The following DNAH6 variants were observed in gnomAD, a reference collection of about 807,000 sequenced individuals.
The protein encoded by DNAH6 is axonemal beta dynein heavy chain 6.
In DNAH6, 340 loss-of-function variants were observed where a neutral mutation model predicts 491.4. The observed-to-expected ratio is 0.69, with a 90% CI of 0.63 to 0.76. DNAH6 has a LOEUF of 0.76. Ranked by LOEUF, DNAH6 falls within the 30% of genes least tolerant of loss-of-function variation. The pLI, the probability that DNAH6 is intolerant of heterozygous loss-of-function variation, is 0.00. For synonymous variants in DNAH6, 1,603 were observed against 1,686.1 expected (o/e 0.95, Z 1.21); for missense variants, 4,443 against 4,972.2 (o/e 0.89, Z 3.20).
At chr2:84,674,804 C>T (rs1693073996) in intron 40 of DNAH6, among the ~76,000 whole-genome samples, 1 of 152,132 alleles carries the variant, frequency 6.6e-6, no homozygotes, top group African/African-American at 2.4e-5. Flanking sequence ...TCCCACCAGG[C>T]CAGCGCTCAG....
intron 14 of DNAH6, among the ~76,000 whole-genome samples, chr2:84,582,386 G>A (rs527743246): frequency 2.6e-3 from 401 of 152,302 alleles, no homozygotes; most frequent in Admixed American, 5.4e-3. Flanking sequence ...TGACTACAGT[G>A]TTTTTATGAC....
At chr2:84,465,537 C>G in the DNAH6 span, among the ~76,000 whole-genome samples, 1 of 152,038 alleles carries the variant, frequency 6.6e-6, no homozygotes, top group South Asian at 2.1e-4. Flanking sequence ...GTAAGCTTGT[C>G]CTGTATTCCC....
At chr2:84,674,029 A>G (rs1190118546) in intron 40 of DNAH6, among the ~76,000 whole-genome samples, 2 of 152,210 alleles carry the variant, frequency 1.3e-5, no homozygotes, top group Non-Finnish European at 2.9e-5. Context: ...TCTGTTCTGG[A>G]GAAAATTTCT....
At chr2:84,811,231 G>A (rs779966943) in intron 72 of DNAH6, among the ~76,000 whole-genome samples, 1 of 152,212 alleles carries the variant, frequency 6.6e-6, no homozygotes, top group Non-Finnish European at 1.5e-5. Context: ...AATGCCTGTC[G>A]CTAAGATGCT....
chr2:84,730,886 T>C (rs1009841754), intron 61 of DNAH6, among the ~76,000 whole-genome samples: 1 of 152,198 alleles, frequency 6.6e-6, no homozygotes, highest in African/African-American at 2.4e-5. Context: ...TAAATGCCTA[T>C]GAACGTTAAC....
intron 33 of DNAH6, 41 bp downstream of exon 33, chr2:84,642,095 G>T (rs1037225238): frequency 3.7e-5 from 48 of 1,305,100 alleles, no homozygotes; most frequent in Non-Finnish European, 4.8e-5. Flanking sequence ...TGGCTATCAC[G>T]TAGAGGCAAA....
At chr2:84,482,948 T>C in the DNAH6 span, among the ~76,000 whole-genome samples, 2 of 151,822 alleles carry the variant, frequency 1.3e-5, no homozygotes, top group Non-Finnish European at 2.9e-5. Context: ...ATATTTTATG[T>C]TACGGTTTTT....
At chr2:84,668,970 C>T (rs1477574550) in intron 37 of DNAH6, among the ~76,000 whole-genome samples, 1 of 152,120 alleles carries the variant, frequency 6.6e-6, no homozygotes, top group African/African-American at 2.4e-5. Flanking sequence ...GGGTCTCATT[C>T]AGCACTTGTC....
intron 62 of DNAH6, among the ~76,000 whole-genome samples, chr2:84,738,038 A>G (rs1014081799): frequency 6.6e-6 from 1 of 152,096 alleles, no homozygotes; most frequent in Non-Finnish European, 1.5e-5. Flanking sequence ...AGGTTTTGAT[A>G]CATTCCATGT....
intron 30 of DNAH6, 127 bp from the exon 31 acceptor site, chr2:84,637,083 C>A: frequency 1.4e-6 from 1 of 735,154 alleles, no homozygotes; most frequent in Non-Finnish European, 2.1e-6. Context: ...CCCTGTTGTC[C>A]AACAATGGTA....
Position 84,673,536 on chromosome 2 carries a change from T to C in DNAH6, c.6612+1052T>C, listed in dbSNP as rs545797954. Among the ~76,000 whole-genome samples the C allele has an allele frequency of 1.1e-4, 16 of 152,250 alleles. No homozygotes were observed. In the South Asian group the frequency reaches 3.3e-3, roughly 32 times the overall value. ...CTCTAGAGGGACAGAACTAATGGGATAGACATATATACATAAAAGGGAGTT... is the reference window on the plus strand; with the variant it reads ...CTCTAGAGGGACAGAACTAATGGGACAGACATATATACATAAAAGGGAGTT... On this transcript the variant is annotated intron_variant, in intron 40 of 76. Transcript: ENST00000389394.
Position 84,707,037 on chromosome 2 carries a change from T to G in DNAH6, c.8851+18T>G, listed in dbSNP as rs1349075190. Reference sequence around the variant, plus strand: ...AAGCCTGGGTAAGTAACTCATAAAATTTACATTGGCCAGGAAATGCCTGAT... The same window carrying G: ...AAGCCTGGGTAAGTAACTCATAAAAGTTACATTGGCCAGGAAATGCCTGAT... On this transcript the variant is annotated intron_variant, in intron 53 of 76. Coordinates refer to ENST00000389394, the MANE Select transcript of DNAH6 (RefSeq NM_001370.2). 6.7e-7 allele frequency: 1 copy of G among 1,501,016 alleles called. No homozygotes were observed. The highest frequency in any genetic ancestry group is 1.4e-5 in the African/African-American group (1 of 69,856). The allele number at this position is 1,501,016 out of a possible 1,614,324, so 93.0% of individuals were successfully genotyped here.
At chr2:84,767,512 T>A (rs1675196818) in intron 64 of DNAH6, among the ~76,000 whole-genome samples, 1 of 151,504 alleles carries the variant, frequency 6.6e-6, no homozygotes, top group Non-Finnish European at 1.5e-5. Flanking sequence ...AGTAACAAAG[T>A]GAGATCCTGT....
intron 11 of DNAH6, among the ~76,000 whole-genome samples, chr2:84,570,144 T>C (rs371541071): frequency 1.1e-4 from 16 of 152,092 alleles, no homozygotes; most frequent in Non-Finnish European, 1.9e-4. Flanking sequence ...AATATGAGCC[T>C]AGAGAATATT....
intron 50 of DNAH6, 45 bp downstream of exon 50, chr2:84,703,607 A>T (rs1165083722): frequency 6.7e-7 from 1 of 1,486,568 alleles, no homozygotes; most frequent in Non-Finnish European, 9.0e-7. Flanking sequence ...TCTGTCAGCA[A>T]CTGATCACTT....
chr2:84,553,422 TTTCTTTCTTTC>T (rs1558703409), intron 10 of DNAH6, among the ~76,000 whole-genome samples: 2 of 148,106 alleles, frequency 1.4e-5, no homozygotes, highest in African/African-American at 2.5e-5. Context: ...TCTTTCTTTC[TTTCTTTCTTTC>T]TTTTTCTCTT....
the DNAH6 span, among the ~76,000 whole-genome samples, chr2:84,464,506 A>G: frequency 6.6e-6 from 1 of 152,220 alleles, no homozygotes; most frequent in Non-Finnish European, 1.5e-5. Flanking sequence ...AGTGAAAGCA[A>G]GTTTATTAAG....
intron 2 of DNAH6, among the ~76,000 whole-genome samples, chr2:84,521,500 G>T (rs1192540050): frequency 3.3e-5 from 5 of 151,952 alleles, no homozygotes; most frequent in African/African-American, 1.2e-4. Flanking sequence ...GTCAATTTTT[G>T]ATTTTGTTGC....
intron 74 of DNAH6, 87 bp from the exon 75 acceptor site, chr2:84,813,884 A>C (rs1680239804): frequency 7.9e-6 from 11 of 1,396,740 alleles, no homozygotes; most frequent in Non-Finnish European, 1.1e-5. Flanking sequence ...CTCTAATGCC[A>C]GGGCAGCCTG....
Sources: gnomAD v4.1 joint callset for allele counts (sites outside exome capture counted in the v4.1 genomes callset) on GRCh38, gnomAD v4.1.1 for gene constraint, MANE v1.5 for transcripts, NCBI Gene and HGNC (gene_info 2026-07-23, HGNC 2026-07-21) for gene names.